RARB: variants seen among roughly 807,000 people sequenced by gnomAD.
The protein encoded by RARB is retinoic acid receptor beta, also known as HBV-activated protein.
Under a neutral mutation model 51.9 loss-of-function variants are expected in RARB, and 17 were observed. The observed-to-expected ratio is 0.33, with a 90% CI of 0.22 to 0.49. The LOEUF (loss-of-function observed/expected upper bound fraction) is 0.49, where lower values mean the gene tolerates loss of function less well. Among genes scored for constraint, RARB ranks in the 20% least tolerant of loss-of-function variants. The pLI is 0.99. For missense variants in RARB, 369 were observed against 550.8 expected (o/e 0.67, Z 3.30); for synonymous variants, 215 against 195.4 (o/e 1.10, Z -0.84).
At chr3:25,167,005 T>G (rs898084741) in intron 4 of RARB, among the ~76,000 whole-genome samples, 1 of 152,262 alleles carries the variant, frequency 6.6e-6, no homozygotes, top group African/African-American at 2.4e-5. Flanking sequence ...AGTTTTTTAT[T>G]GTTCAATTTC....
At chr3:25,125,648 T>A (rs1383571872) in intron 3 of RARB, among the ~76,000 whole-genome samples, 1 of 152,208 alleles carries the variant, frequency 6.6e-6, no homozygotes, top group Non-Finnish European at 1.5e-5. Context: ...TAAATCTCCA[T>A]AATCAGAAGC....
chr3:24,999,969 T>A (rs1004106447), intron 2 of RARB, among the ~76,000 whole-genome samples: 5 of 141,400 alleles, frequency 3.5e-5, no homozygotes, highest in African/African-American at 1.1e-4. Context: ...TATTTTGACT[T>A]CTTCTTGAAT....
At chr3:25,219,093 G>A (rs1189247913) in intron 5 of RARB, among the ~76,000 whole-genome samples, 1 of 152,130 alleles carries the variant, frequency 6.6e-6, no homozygotes, top group Non-Finnish European at 1.5e-5. Flanking sequence ...TATGTGTTAA[G>A]CTCTGTGCCC....
chr3:25,222,184 A>C (rs1254513326), intron 5 of RARB, among the ~76,000 whole-genome samples: 2 of 152,198 alleles, frequency 1.3e-5, no homozygotes, highest in Admixed American at 6.5e-5. Context: ...CAGTGCAGAA[A>C]GCATCGAGGG....
At chr3:24,955,585 G>A (rs997337186) in intron 2 of RARB, among the ~76,000 whole-genome samples, 2 of 152,150 alleles carry the variant, frequency 1.3e-5, no homozygotes, top group Non-Finnish European at 2.9e-5. Context: ...AAAATCACCT[G>A]ACAAAAGGCA....
rs147300427 is a variant in RARB at position 24,909,034 on chromosome 3, T to G, written c.-380+50282T>G. ...TGATCTCTCCCGTTATATAACACAT[T>G]AGAAATGTTAGAGCTTTTTCCAAAA... On this transcript the variant is annotated intron_variant, in intron 2 of 11. Coordinates refer to the RARB transcript ENST00000383772. 1.4e-4 allele frequency among the ~76,000 whole-genome samples: 22 copies of G among 152,258 alleles called. No individual in the cohort carries two copies. The East Asian group carries it at 1.9e-3, about 13-fold the overall frequency.
intron 5 of RARB, among the ~76,000 whole-genome samples, chr3:25,349,411 C>T (rs762224921): frequency 6.6e-6 from 1 of 152,114 alleles, no homozygotes; most frequent in Non-Finnish European, 1.5e-5. Flanking sequence ...TTGTCACTTG[C>T]GTTGGGAAAT....
chr3:24,934,071 C>T (rs140132889), intron 2 of RARB, among the ~76,000 whole-genome samples: 16 of 152,196 alleles, frequency 1.1e-4, no homozygotes, highest in Admixed American at 2.0e-4. Flanking sequence ...CTTTGAAGAG[C>T]GTGATGATAA....
At chr3:25,205,386 G>T (rs1256657527) in intron 5 of RARB, among the ~76,000 whole-genome samples, 1 of 152,256 alleles carries the variant, frequency 6.6e-6, no homozygotes, top group East Asian at 1.9e-4. Context: ...GTGAGGCAAT[G>T]CCTCACCCTG....
In RARB at chr3:24,944,446, C is replaced by T. The variant is rs141650484; in HGVS notation, c.-380+85694C>T. Among the ~76,000 whole-genome samples the T allele has an allele frequency of 3.6e-3, 541 of 152,244 alleles. 12 individuals carry two copies. Among genetic ancestry groups the T allele is most frequent in the Admixed American group, 0.03 (463 of 15,278 alleles). On this transcript the variant is annotated intron_variant, in intron 2 of 11. Transcript: ENST00000383772. ...CATTATCTCATTTAATCCATACTGG[C>T]GTGTTCTTAGGCATTGCCTTTGTTG...
At chr3:25,081,602 TA>T (rs2125313071) in intron 3 of RARB, among the ~76,000 whole-genome samples, 18 of 18,568 alleles carry the variant, frequency 9.7e-4, no homozygotes, top group Non-Finnish European at 1.6e-3. Context: ...TATATATATA[TA>T]TATATATATA....
chr3:25,467,999 G>T (rs770321186), intron 2 of RARB, among the ~76,000 whole-genome samples: 2 of 152,212 alleles, frequency 1.3e-5, no homozygotes, highest in African/African-American at 4.8e-5. Flanking sequence ...GGGTCAAGGG[G>T]GCCTGATGTG....
At position 25,104,367 on chromosome 3, in the gene RARB, T is replaced by C. The variant is rs77330700; in HGVS notation, c.-327-27794T>C. 3.9e-3 allele frequency among the ~76,000 whole-genome samples: 597 copies of C among 152,178 alleles called. 18 individuals carry two copies. In the East Asian group the frequency reaches 0.081, roughly 21 times the overall value. On this transcript the variant is annotated intron_variant, in intron 3 of 11. Coordinates refer to the RARB transcript ENST00000383772. ...CACCCATTTATTCCATTCCTAGGTA[T>C]AAATAGGCACTTTGGAAGGCCGGGG...
intron 3 of RARB, among the ~76,000 whole-genome samples, chr3:25,525,460 A>G (rs568919581): frequency 6.6e-6 from 1 of 152,354 alleles, no homozygotes; most frequent in African/African-American, 2.4e-5. Context: ...CATTGTCTTC[A>G]TAGACCCCCC....
intron 2 of RARB, among the ~76,000 whole-genome samples, chr3:24,870,053 C>T (rs1173446291): frequency 1.3e-5 from 2 of 151,984 alleles, no homozygotes; most frequent in African/African-American, 2.4e-5. Context: ...CATGAAACAC[C>T]TGTGATATTT....
intron 5 of RARB, among the ~76,000 whole-genome samples, chr3:25,393,964 G>A (rs532349810): frequency 5.9e-5 from 9 of 151,970 alleles, no homozygotes; most frequent in Non-Finnish European, 8.8e-5. Flanking sequence ...TTTGGTTTTG[G>A]TTTGTTCTTG....
intron 2 of RARB, among the ~76,000 whole-genome samples, chr3:25,053,784 C>T (rs183592246): frequency 9.2e-5 from 14 of 152,230 alleles, no homozygotes; most frequent in African/African-American, 2.9e-4. Flanking sequence ...AAATCAGTTA[C>T]GGAACTGGAG....
At chr3:24,832,651 A>ATATAT (rs1553606277) in intron 1 of RARB, among the ~76,000 whole-genome samples, 9 of 136,712 alleles carry the variant, frequency 6.6e-5, no homozygotes, top group Admixed American at 2.2e-4. Context: ...ATATATATAT[A>ATATAT]ATGTCAATTA....
At chr3:25,429,063 T>C (rs1559397110) in intron 1 of RARB, among the ~76,000 whole-genome samples, 175 bp downstream of exon 1, 1 of 152,198 alleles carries the variant, frequency 6.6e-6, no homozygotes, top group Non-Finnish European at 1.5e-5. Context: ...GAAAATTTCC[T>C]GTTAGATGTT....
Sources: allele counts gnomAD v4.1 joint callset (sites outside exome capture counted in the v4.1 genomes callset), GRCh38; gene constraint gnomAD v4.1.1; transcripts MANE v1.5; gene names NCBI Gene and HGNC (gene_info 2026-07-23, HGNC 2026-07-21).